PPFIA3: variants seen among roughly 807,000 people sequenced by gnomAD.
PPFIA3 encodes the protein liprin-alpha-3.
PPFIA3 carries 26 observed loss-of-function variants against 145.8 expected under a neutral mutation model. The ratio of observed to expected loss-of-function variants is 0.18; its 90% confidence interval spans 0.13 to 0.25. The LOEUF is 0.25. PPFIA3 is among the 10% of genes least tolerant of loss of function. The pLI is 1.00. For synonymous variants in PPFIA3, 645 were observed against 661.4 expected, an observed-to-expected ratio of 0.98 and a Z score of 0.38; for missense variants, 1,008 against 1,587.8, an observed-to-expected ratio of 0.63 and a Z score of 6.21.
At position 49,128,488 on chromosome 19, in the gene PPFIA3, G is replaced by A; in HGVS notation, c.342+20G>A. ...ACGCGGGTGAGGGGTGTTGAGGGCG[G>A]GGCCTAAGTGGGGGCGGGGCCTCGT... On this transcript the variant is annotated intron_variant, in intron 3 of 29. Transcript: ENST00000334186. This position sits in a 1 kb window ranked among gnomAD's most constrained non-coding sequence, Gnocchi z 4.1. The A allele has an allele frequency of 6.3e-7, 1 of 1,597,338 alleles. No homozygotes were observed. Among genetic ancestry groups the A allele is most frequent in the Admixed American group, 1.7e-5 (1 of 59,800 alleles).
chr19:49,136,950 G>C, intron 15 of PPFIA3, 39 bp downstream of exon 15: 1 of 1,453,296 alleles, frequency 6.9e-7, no homozygotes, highest in Non-Finnish European at 9.2e-7. Context: ...CTGCCCTGCC[G>C]GAGCTGACTC....
chr19:49,139,519 A>G (rs1206618307), intron 16 of PPFIA3, 149 bp from the exon 17 acceptor site: 1 of 639,816 alleles, frequency 1.6e-6, no homozygotes, highest in African/African-American at 1.9e-5. Flanking sequence ...AGTTTCTGCA[A>G]CTCACCCTGA....
In PPFIA3 at chr19:49,150,280, C is replaced by A; in HGVS notation, c.*58C>A. ...AGAATCTTCCCGAGGCTGGGCTGTT[C>A]CCTCTCCTGCCCGGACTGTGGCCTC... On this transcript the variant is annotated 3_prime_UTR_variant, in exon 30 of 30. Coordinates refer to ENST00000334186, the MANE Select transcript of PPFIA3 (RefSeq NM_003660.4). 2 of 879,714 alleles carry A rather than the reference C, an allele frequency of 2.3e-6. No homozygotes were observed. Among genetic ancestry groups the A allele is most frequent in the South Asian group, 3.5e-5 (2 of 57,630 alleles). The allele number at this position is 879,714 out of a possible 1,614,324, so 54.5% of individuals were successfully genotyped here.
chr19:49,150,188 C>A (rs374754671), intron 29 of PPFIA3, 37 bp downstream of exon 29: 2 of 1,548,404 alleles, frequency 1.3e-6, no homozygotes, highest in South Asian at 1.2e-5. Flanking sequence ...GGGTGCGGGG[C>A]GGCACGGTGG....
chr19:49,125,235 G>A (rs1163790286), intron 1 of PPFIA3: 2 of 152,398 alleles, frequency 1.3e-5, no homozygotes, highest in Non-Finnish European at 2.9e-5. Flanking sequence ...TCCTCTCCCA[G>A]GGCCCACGGC....
chr19:49,137,147 A>G, intron 15 of PPFIA3: 1 of 393,502 alleles, frequency 2.5e-6, no homozygotes, highest in East Asian at 3.7e-5. Context: ...CCAACACACC[A>G]AAGCCTGCAT....
At chr19:49,125,444 T>A (rs1283216553) in intron 1 of PPFIA3, 1 of 152,204 alleles carries the variant, frequency 6.6e-6, no homozygotes, top group Non-Finnish European at 1.5e-5. Flanking sequence ...GGACCTGATG[T>A]GTGTGGAGGG....
At chr19:49,127,398 A>AAG (rs1276229441) in intron 1 of PPFIA3, among the ~76,000 whole-genome samples, 1 of 149,658 alleles carries the variant, frequency 6.7e-6, no homozygotes, top group African/African-American at 2.5e-5. Context: ...AAAAAAAAAA[A>AAG]AAAAAAAAAG....
In PPFIA3 at chr19:49,142,994, C is replaced by T; in HGVS notation, c.2735C>T (p.Ser912Phe). 4 of 1,606,324 alleles carry T rather than the reference C, an allele frequency of 2.5e-6. No individual in the cohort carries two copies. The highest frequency in any genetic ancestry group is 3.4e-6 in the Non-Finnish European group (4 of 1,178,476). ...CTCACCTCGCCCTCAGCCCCCGCCTCCTCCCGCACTGTGAGTGTCCGGCGG... is the reference window on the plus strand; with the variant it reads ...CTCACCTCGCCCTCAGCCCCCGCCTTCTCCCGCACTGTGAGTGTCCGGCGG... ...VSLTSPSAPA[S>F]SRTSTGNVWM... Residue 912 changes from serine to phenylalanine, a missense_variant, in exon 21 of 30, where the codon TCC becomes TTC. Ser to Phe is a radical substitution (Grantham distance 155). Transcript: ENST00000334186.
At chr19:49,142,535 T>TTCTC (rs927501462) in intron 20 of PPFIA3, among the ~76,000 whole-genome samples, 3 of 147,964 alleles carry the variant, frequency 2.0e-5, no homozygotes, top group Admixed American at 6.7e-5. Flanking sequence ...CTCTATTTCT[T>TTCTC]TCTCTCTCTC....
Position 49,145,979 on chromosome 19 carries a change from G to A in PPFIA3, c.2782G>A (p.Glu928Lys). The part of the protein sequence containing the change: ...GNVWMTHEEM[E>K]SLTATTKPET... ...CGTGTGGATGACACACGAGGAGATG[G>A]AGTCCCTTACGGCCACGACCAAGCC... is the stretch of plus-strand genomic sequence containing the variant. The change falls in exon 22 of 30, where the codon GAG becomes AAG. Residue 928 changes from glutamate to lysine, a missense_variant. Physicochemically the swap from Glu to Lys is moderately conservative, Grantham distance 56. Around this residue, in one of 11 missense-constraint regions of PPFIA3, gnomAD observed 154 missense variants for 369.2 expected, o/e 0.42. Coordinates refer to ENST00000334186, the MANE Select transcript of PPFIA3 (RefSeq NM_003660.4). 1 of 1,614,018 alleles carries A rather than the reference G, an allele frequency of 6.2e-7. No homozygotes were observed. Among genetic ancestry groups the A allele is most frequent in the South Asian group, 1.1e-5 (1 of 91,074 alleles).
chr19:49,128,129 G>A lies in PPFIA3; in HGVS notation c.240+16G>A. On this transcript the variant is annotated intron_variant, in intron 2 of 29. Coordinates refer to ENST00000334186, the MANE Select transcript of PPFIA3 (RefSeq NM_003660.4). The surrounding 1 kb of genome is among the most constrained non-coding windows in gnomAD (Gnocchi z 4.1). ...GCTGCCCCAGGTCTGGGCGGGACAG[G>A]GGCGGGGCATGAGGGGGCGGGGCCT... 6.6e-7 allele frequency: 1 copy of A among 1,513,260 alleles called. No individual in the cohort carries two copies. Among genetic ancestry groups the A allele is most frequent in the Non-Finnish European group, 8.8e-7 (1 of 1,135,754 alleles). The allele number at this position is 1,513,260 out of a possible 1,614,324, so 93.7% of individuals were successfully genotyped here.
chr19:49,135,230 C>G (rs573708037), intron 13 of PPFIA3, among the ~76,000 whole-genome samples: 1 of 151,932 alleles, frequency 6.6e-6, no homozygotes, highest in Non-Finnish European at 1.5e-5. Flanking sequence ...TTAGTAGACA[C>G]GGGGTTTTGC....
chr19:49,146,291 C>A, intron 23 of PPFIA3, 99 bp downstream of exon 23: 1 of 1,402,286 alleles, frequency 7.1e-7, no homozygotes, highest in Non-Finnish European at 9.8e-7. Context: ...CCAGAACATG[C>A]CATCATCCCC....
At chr19:49,141,546 G>T in intron 19 of PPFIA3, 33 bp downstream of exon 19, 1 of 1,538,828 alleles carries the variant, frequency 6.5e-7, no homozygotes, top group East Asian at 2.3e-5. Flanking sequence ...GTGTGTGTGT[G>T]TATGTGAATG....
At position 49,120,231 on chromosome 19, in the gene PPFIA3, C is replaced by G. The variant is rs889676545; in HGVS notation, c.-16+509C>G. On this transcript the variant is annotated intron_variant, in intron 1 of 29. Transcript: ENST00000334186. The surrounding 1 kb of genome is among the most constrained non-coding windows in gnomAD (Gnocchi z 4.6). ...GCGCGCTCGGCAGCCTCGCCTCCCC[C>G]CACCTCCTGCCGCCGCCACCAGGGA... Among the ~76,000 whole-genome samples, 2 of 152,074 alleles carry G rather than the reference C, an allele frequency of 1.3e-5. No individual in the cohort carries two copies. Among genetic ancestry groups the G allele is most frequent in the African/African-American group, 4.8e-5 (2 of 41,430 alleles).
chr19:49,120,318 T>G lies in PPFIA3; in HGVS notation c.-16+596T>G, dbSNP rs1172951552. ...CTTTGACCCGGGAATACCCGGGCCC[T>G]CCCCGACCAGGGCGCCCCAGCCTCT... On this transcript the variant is annotated intron_variant, in intron 1 of 29. Coordinates refer to ENST00000334186, the MANE Select transcript of PPFIA3 (RefSeq NM_003660.4). This position sits in a 1 kb window ranked among gnomAD's most constrained non-coding sequence, Gnocchi z 4.6. 6.6e-6 allele frequency among the ~76,000 whole-genome samples: 1 copy of G among 152,014 alleles called. No homozygotes were observed. Among genetic ancestry groups the G allele is most frequent in the Admixed American group, 6.5e-5 (1 of 15,276 alleles).
In PPFIA3 at chr19:49,130,685, C is replaced by A; in HGVS notation, c.879+86C>A. 5 of 1,186,266 alleles carry A rather than the reference C, an allele frequency of 4.2e-6. No homozygotes were observed. The South Asian group carries it at 6.0e-5, about 14-fold the overall frequency. The allele number at this position is 1,186,266 out of a possible 1,614,324, so 73.5% of individuals were successfully genotyped here. ...CGCGCATTGCTCATGAATGGCGGAACCTCGATTCAGTCCACAGGCTGGGTG... is the reference window on the plus strand; with the variant it reads ...CGCGCATTGCTCATGAATGGCGGAAACTCGATTCAGTCCACAGGCTGGGTG... On this transcript the variant is annotated intron_variant, in intron 7 of 29. Transcript: ENST00000334186. This position sits in a 1 kb window ranked among gnomAD's most constrained non-coding sequence, Gnocchi z 4.5.
Position 49,120,312 on chromosome 19 carries a change from G to C in PPFIA3, c.-16+590G>C, listed in dbSNP as rs2040921369. On this transcript the variant is annotated intron_variant, in intron 1 of 29. Transcript: ENST00000334186. This position sits in a 1 kb window ranked among gnomAD's most constrained non-coding sequence, Gnocchi z 4.6. ...CCGCGCCTTTGACCCGGGAATACCC[G>C]GGCCCTCCCCGACCAGGGCGCCCCA... Among the ~76,000 whole-genome samples, 2 of 152,078 alleles carry C rather than the reference G, an allele frequency of 1.3e-5. No homozygotes were observed. Among genetic ancestry groups the C allele is most frequent in the African/African-American group, 4.8e-5 (2 of 41,408 alleles).
Sources: allele counts gnomAD v4.1 joint callset (sites outside exome capture counted in the v4.1 genomes callset), GRCh38; gene constraint gnomAD v4.1.1; regional missense constraint gnomAD v4.1.1; non-coding constraint Gnocchi (gnomAD v3.1); transcripts MANE v1.5; gene names NCBI Gene and HGNC (gene_info 2026-07-23, HGNC 2026-07-21).